The following GRIA1 variants were observed in gnomAD, a reference collection of about 807,000 sequenced individuals.
GRIA1 encodes glutamate receptor 1.
GRIA1 carries 31 observed loss-of-function variants against 99.2 expected under a neutral mutation model. The observed-to-expected ratio is 0.31, with a 90% CI of 0.23 to 0.42. The LOEUF (loss-of-function observed/expected upper bound fraction) is 0.42, where lower values mean the gene tolerates loss of function less well. GRIA1 is among the 10% of genes least tolerant of loss of function. GRIA1 has a pLI of 1.00. For synonymous variants in GRIA1, 438 were observed against 432.4 expected, an observed-to-expected ratio of 1.01 and a Z score of -0.16; for missense variants, 782 against 1,157.5, an observed-to-expected ratio of 0.68 and a Z score of 4.71.
intron 2 of GRIA1, among the ~76,000 whole-genome samples, chr5:153,588,850 C>T (rs917910256): frequency 5.9e-5 from 9 of 152,138 alleles, no homozygotes; most frequent in African/African-American, 1.9e-4. Context: ...AAATGTATAA[C>T]CCTTTGGTCA....
At chr5:153,775,084 A>G (rs1438772644) in intron 13 of GRIA1, among the ~76,000 whole-genome samples, 1 of 152,206 alleles carries the variant, frequency 6.6e-6, no homozygotes, top group Non-Finnish European at 1.5e-5. Context: ...AGGGAAAGGC[A>G]ATTGGTAAAT....
intron 11 of GRIA1, among the ~76,000 whole-genome samples, chr5:153,753,903 T>A (rs1411056495): frequency 2.0e-5 from 3 of 152,168 alleles, no homozygotes; most frequent in African/African-American, 7.2e-5. Context: ...ATGCTTTGTG[T>A]TTCAACAGAA....
chr5:153,790,047 G>A (rs1386683514), intron 13 of GRIA1, among the ~76,000 whole-genome samples: 1 of 152,176 alleles, frequency 6.6e-6, no homozygotes, highest in Non-Finnish European at 1.5e-5. Flanking sequence ...GATTAGCCTA[G>A]GGCTAGTTGT....
chr5:153,733,357 C>T (rs1454748158), intron 11 of GRIA1, among the ~76,000 whole-genome samples: 1 of 151,760 alleles, frequency 6.6e-6, no homozygotes, highest in Non-Finnish European at 1.5e-5. Context: ...TTTATGTATG[C>T]AAAAACCTAC....
intron 2 of GRIA1, among the ~76,000 whole-genome samples, chr5:153,617,092 C>T (rs1156430826): frequency 1.3e-5 from 2 of 152,110 alleles, no homozygotes; most frequent in Non-Finnish European, 2.9e-5. Flanking sequence ...AGTAAAAGTA[C>T]AGAACTATGA....
chr5:153,506,623 C>G (rs1389479236), intron 2 of GRIA1, among the ~76,000 whole-genome samples: 1 of 152,070 alleles, frequency 6.6e-6, no homozygotes, highest in Non-Finnish European at 1.5e-5. Flanking sequence ...AGGTGTCACA[C>G]CTACAAGGGA....
chr5:153,609,051 G>GT (rs749894113), intron 2 of GRIA1, among the ~76,000 whole-genome samples: 1 of 152,104 alleles, frequency 6.6e-6, no homozygotes, highest in South Asian at 2.1e-4. Context: ...CTAAAGTTGG[G>GT]TTTAACAAGC....
At chr5:153,685,846 C>A (rs1757300522) in intron 7 of GRIA1, among the ~76,000 whole-genome samples, 1 of 152,174 alleles carries the variant, frequency 6.6e-6, no homozygotes, top group Admixed American at 6.5e-5. Context: ...ATTTTCTTTC[C>A]TTTGCAGGCC....
intron 14 of GRIA1, among the ~76,000 whole-genome samples, chr5:153,796,535 G>A (rs183623016): frequency 2.0e-4 from 31 of 152,316 alleles, no homozygotes; most frequent in African/African-American, 7.2e-4. Context: ...AGTGATCAGT[G>A]TTAAAGATGA....
At chr5:153,662,027 G>T (rs1031532164) in intron 5 of GRIA1, among the ~76,000 whole-genome samples, 9 of 152,208 alleles carry the variant, frequency 5.9e-5, no homozygotes, top group Non-Finnish European at 1.0e-4. Context: ...GGCACGACCT[G>T]TGTGCTGCTC....
chr5:153,490,828 G>C lies in GRIA1; in HGVS notation c.-61G>C. 2 of 1,191,678 alleles carry C rather than the reference G, an allele frequency of 1.7e-6. No individual in the cohort carries two copies. Among genetic ancestry groups the C allele is most frequent in the Non-Finnish European group, 2.5e-6 (2 of 794,106 alleles). The allele number at this position is 1,191,678 out of a possible 1,614,324, so 73.8% of individuals were successfully genotyped here. A position where few individuals can be genotyped will look rare whatever the true frequency, so the allele number is the denominator to read the frequency against. ...ACAGCGAGAAGAATAAAGGGAAAGG[G>C]GGGGAAACACCAAATCTATGATTGG... is the stretch of plus-strand genomic sequence containing the variant. On this transcript the variant is annotated 5_prime_UTR_variant, in exon 1 of 16. Transcript: ENST00000285900.
At chr5:153,641,490 T>G (rs1753775523) in intron 2 of GRIA1, among the ~76,000 whole-genome samples, 1 of 152,160 alleles carries the variant, frequency 6.6e-6, no homozygotes. Flanking sequence ...TCTCACTGGT[T>G]CCTGCCCTCC....
intron 2 of GRIA1, among the ~76,000 whole-genome samples, chr5:153,604,430 A>G (rs963014850): frequency 1.9e-4 from 29 of 152,258 alleles, no homozygotes; most frequent in African/African-American, 6.8e-4. Flanking sequence ...TTGAAAATCT[A>G]GGTTTCTGTC....
chr5:153,501,920 AG>A (rs1300226923), intron 2 of GRIA1, among the ~76,000 whole-genome samples: 1 of 152,198 alleles, frequency 6.6e-6, no homozygotes, highest in African/African-American at 2.4e-5. Context: ...TTAACAAGGA[AG>A]ACATACATAG....
At chr5:153,507,644 A>C (rs1755666524) in intron 2 of GRIA1, among the ~76,000 whole-genome samples, 1 of 152,122 alleles carries the variant, frequency 6.6e-6, no homozygotes, top group Non-Finnish European at 1.5e-5. Context: ...TTCCCACTGG[A>C]TTATGGCTTT....
intron 11 of GRIA1, among the ~76,000 whole-genome samples, chr5:153,734,318 C>A (rs1031124462): frequency 3.3e-5 from 5 of 152,130 alleles, no homozygotes; most frequent in African/African-American, 1.2e-4. Context: ...TAAGGACCCC[C>A]CTAAGAGCAG....
chr5:153,645,199 T>G (rs936372821), intron 2 of GRIA1, among the ~76,000 whole-genome samples: 1 of 152,060 alleles, frequency 6.6e-6, no homozygotes, highest in Non-Finnish European at 1.5e-5. Context: ...GAGCAAGAAT[T>G]GTGTGAAACC....
intron 12 of GRIA1, among the ~76,000 whole-genome samples, chr5:153,769,165 C>G (rs907527688): frequency 2.6e-5 from 4 of 152,100 alleles, no homozygotes; most frequent in African/African-American, 9.7e-5. Context: ...GCAGTGTGTC[C>G]CATAAGAGTA....
chr5:153,506,498 T>C (rs1299713735), intron 2 of GRIA1, among the ~76,000 whole-genome samples: 1 of 152,178 alleles, frequency 6.6e-6, no homozygotes, highest in Non-Finnish European at 1.5e-5. Flanking sequence ...AAGAACTTCA[T>C]CTTAGCTCTG....
Sources: gnomAD v4.1 joint callset for allele counts (sites outside exome capture counted in the v4.1 genomes callset) on GRCh38, gnomAD v4.1.1 for gene constraint, MANE v1.5 for transcripts, NCBI Gene and HGNC (gene_info 2026-07-23, HGNC 2026-07-21) for gene names.